GPC6: variants seen among roughly 807,000 people sequenced by gnomAD.
GPC6 encodes the protein glypican 6, also known as glypican-6.
A neutral mutation model predicts 55.2 loss-of-function variants in GPC6; 14 were observed. The observed-to-expected ratio is 0.25, with a 90% confidence interval of 0.17 to 0.40. GPC6 has a LOEUF of 0.40. Ranked by LOEUF, GPC6 falls within the 10% of genes least tolerant of loss-of-function variation. The probability of loss-of-function intolerance (pLI) is 1.00; values close to 1 mark genes in which losing one functional copy is unlikely to be tolerated. For synonymous variants in GPC6, 278 were observed against 259.6 expected (o/e 1.07, Z -0.68); for missense variants, 641 against 708.5 (o/e 0.90, Z 1.08).
intron 1 of GPC6, among the ~76,000 whole-genome samples, chr13:93,386,303 C>G (rs1345002653): frequency 1.3e-5 from 2 of 152,126 alleles, no homozygotes; most frequent in Non-Finnish European, 2.9e-5. Context: ...TAATTCTCCC[C>G]TTCAAGCTTT....
At chr13:93,454,803 A>C (rs563671757) in intron 1 of GPC6, among the ~76,000 whole-genome samples, 3 of 152,096 alleles carry the variant, frequency 2.0e-5, no homozygotes, top group Non-Finnish European at 2.9e-5. Context: ...TCGGCCCTTG[A>C]GTGGTCGATG....
At chr13:94,190,857 C>T (rs570187140) in intron 4 of GPC6, among the ~76,000 whole-genome samples, 20 of 152,098 alleles carry the variant, frequency 1.3e-4, no homozygotes, top group African/African-American at 4.6e-4. Context: ...TATATATACT[C>T]TCAAATATTA....
intron 5 of GPC6, among the ~76,000 whole-genome samples, chr13:94,294,894 AAATT>A (rs1354074732): frequency 6.6e-6 from 1 of 152,126 alleles, no homozygotes; most frequent in Non-Finnish European, 1.5e-5. Flanking sequence ...CCAGGATTAT[AAATT>A]ATTTGAGGAC....
At chr13:93,927,479 A>G (rs1043876478) in intron 3 of GPC6, among the ~76,000 whole-genome samples, 3 of 152,102 alleles carry the variant, frequency 2.0e-5, no homozygotes, top group African/African-American at 7.2e-5. Context: ...ATACTGAAAC[A>G]ACAGGACACG....
chr13:93,576,402 T>A (rs1350151487), intron 2 of GPC6, among the ~76,000 whole-genome samples: 1 of 152,112 alleles, frequency 6.6e-6, no homozygotes, highest in Non-Finnish European at 1.5e-5. Context: ...AAATAAAAGA[T>A]CACAGAATTT....
Position 93,697,151 on chromosome 13 carries a change from C to G in GPC6, c.320-133003C>G, listed in dbSNP as rs190393101. The stretch of plus-strand genomic sequence containing the variant: ...ACCTGCAAGGCCCTACTGATAATAC[C>G]TGGCCCCAGCCTTTCCTTTGGATAT... On this transcript the variant is annotated intron_variant, in intron 2 of 8. Transcript: ENST00000377047. Among the ~76,000 whole-genome samples, 4 of 152,260 alleles carry G rather than the reference C, an allele frequency of 2.6e-5. No individual in the cohort carries two copies. In the East Asian group the frequency reaches 5.8e-4, roughly 22 times the overall value.
At chr13:93,368,794 G>C (rs1460556448) in intron 1 of GPC6, among the ~76,000 whole-genome samples, 1 of 152,112 alleles carries the variant, frequency 6.6e-6, no homozygotes, top group African/African-American at 2.4e-5. Flanking sequence ...ACTTATGGTT[G>C]TTAATGGACA....
At chr13:93,481,313 G>C (rs1049601422) in intron 1 of GPC6, among the ~76,000 whole-genome samples, 1 of 152,040 alleles carries the variant, frequency 6.6e-6, no homozygotes, top group African/African-American at 2.4e-5. Context: ...ATTGTAAGGA[G>C]TATTTATATA....
chr13:93,440,766 A>G (rs59127946), intron 1 of GPC6, among the ~76,000 whole-genome samples: 1,870 of 152,154 alleles, frequency 0.012, 39 homozygotes, highest in African/African-American at 0.043. Context: ...ACATATGTAT[A>G]CATGTGCAAT....
At chr13:93,853,905 A>G (rs1191604049) in intron 3 of GPC6, among the ~76,000 whole-genome samples, 1 of 151,724 alleles carries the variant, frequency 6.6e-6, no homozygotes, top group East Asian at 1.9e-4. Flanking sequence ...AAACACAGTA[A>G]CATGTTCACA....
rs568625398 is a variant in GPC6 at position 93,404,710 on chromosome 13, C to T, written c.161-140553C>T. 3.1e-4 allele frequency among the ~76,000 whole-genome samples: 47 copies of T among 152,080 alleles called. 1 individual carries two copies. The South Asian group carries it at 6.2e-3, about 20-fold the overall frequency. Reference sequence around the variant, plus strand: ...ATCTTTTGTCAAATTGTCTTTCTTACGGAGGTAATAAAATTCCTATTCCCT... The same window carrying T: ...ATCTTTTGTCAAATTGTCTTTCTTATGGAGGTAATAAAATTCCTATTCCCT... On this transcript the variant is annotated intron_variant, in intron 1 of 8. Transcript: ENST00000377047.
chr13:94,298,726 T>C (rs1875483283), intron 5 of GPC6, among the ~76,000 whole-genome samples: 1 of 152,242 alleles, frequency 6.6e-6, no homozygotes. Flanking sequence ...TCCATTTGGC[T>C]TTGCTTTAAT....
At chr13:94,039,412 G>C (rs1444630822) in intron 4 of GPC6, among the ~76,000 whole-genome samples, 1 of 151,896 alleles carries the variant, frequency 6.6e-6, no homozygotes, top group East Asian at 1.9e-4. Context: ...TAATGGTAGA[G>C]TTGGACATAA....
intron 6 of GPC6, among the ~76,000 whole-genome samples, chr13:94,363,288 T>A (rs1019970454): frequency 5.9e-5 from 9 of 152,132 alleles, no homozygotes; most frequent in African/African-American, 1.9e-4. Context: ...AAGCTGTTCA[T>A]AGGCAAAATT....
intron 2 of GPC6, among the ~76,000 whole-genome samples, chr13:93,615,690 A>T (rs1447120771): frequency 6.6e-6 from 1 of 152,106 alleles, no homozygotes; most frequent in African/African-American, 2.4e-5. Flanking sequence ...CTACCCATTT[A>T]CAAGATGTGT....
intron 4 of GPC6, among the ~76,000 whole-genome samples, chr13:94,232,253 A>G (rs1274573842): frequency 6.6e-6 from 1 of 152,198 alleles, no homozygotes; most frequent in Non-Finnish European, 1.5e-5. Context: ...ACAAGGACTA[A>G]TGGTACTCCA....
chr13:94,269,611 T>G (rs1891929210), intron 4 of GPC6, among the ~76,000 whole-genome samples: 1 of 152,152 alleles, frequency 6.6e-6, no homozygotes, highest in Admixed American at 6.5e-5. Context: ...GTGGGCTGCA[T>G]CCCTATAGCT....
chr13:94,022,131 A>G (rs1456831124), intron 3 of GPC6, among the ~76,000 whole-genome samples: 2 of 152,056 alleles, frequency 1.3e-5, no homozygotes, highest in Non-Finnish European at 2.9e-5. Context: ...AAAGTCCTGA[A>G]TACAGTACAC....
intron 4 of GPC6, among the ~76,000 whole-genome samples, chr13:94,099,555 A>G (rs1180032792): frequency 2.6e-5 from 4 of 152,130 alleles, no homozygotes; most frequent in Non-Finnish European, 5.9e-5. Context: ...ATTTCTTCTC[A>G]TCTACTGCTG....
Sources: allele counts gnomAD v4.1 joint callset (sites outside exome capture counted in the v4.1 genomes callset), GRCh38; gene constraint gnomAD v4.1.1; transcripts MANE v1.5; gene names NCBI Gene and HGNC (gene_info 2026-07-23, HGNC 2026-07-21).